PIK3C2G: variants seen among roughly 807,000 people sequenced by gnomAD.
PIK3C2G encodes the protein phosphatidylinositol-4-phosphate 3-kinase catalytic subunit type 2 gamma.
PIK3C2G carries 168 observed loss-of-function variants against 181.1 expected under a neutral mutation model. The observed-to-expected ratio is 0.93, with a 90% CI of 0.82 to 1.05. PIK3C2G has a LOEUF of 1.05. Ranked by LOEUF, PIK3C2G falls within the 50% of genes least tolerant of loss-of-function variation. The pLI, the probability that PIK3C2G is intolerant of heterozygous loss-of-function variation, is 0.00. For missense variants in PIK3C2G, 1,869 were observed against 1,732.8 expected, an observed-to-expected ratio of 1.08 and a Z score of -1.40; for synonymous variants, 573 against 592.2, an observed-to-expected ratio of 0.97 and a Z score of 0.47.
rs779918901 is a variant in PIK3C2G at position 18,563,354 on chromosome 12, TTCTA to T, written c.3781-17_3781-14del. ...CAGGCTGATATTGCCATCTTTTGAT[TTCTA>T]TCTATTTACTTTCTGCAGCTGTATC... On this transcript the variant is annotated intron_variant, in intron 27 of 32. Coordinates refer to ENST00000538779, the MANE Select transcript of PIK3C2G (RefSeq NM_001288772.2). 6.9e-6 allele frequency: 11 copies of T among 1,589,566 alleles called. No homozygotes were observed. The African/African-American group carries it at 9.4e-5, about 14-fold the overall frequency.
At chr12:18,511,884 A>G (rs906103939) in intron 24 of PIK3C2G, among the ~76,000 whole-genome samples, 9 of 151,938 alleles carry the variant, frequency 5.9e-5, no homozygotes, top group African/African-American at 2.2e-4. Context: ...TCCAAAAAAA[A>G]TTGCTGAGAC....
chr12:18,282,807 T>C, intron 2 of PIK3C2G, 48 bp downstream of exon 2: 7 of 1,221,856 alleles, frequency 5.7e-6, no homozygotes, highest in Non-Finnish European at 8.0e-6. Context: ...GAAAGAATCA[T>C]TCAATAATGT....
intron 31 of PIK3C2G, among the ~76,000 whole-genome samples, chr12:18,637,294 C>T (rs1949645742): frequency 6.6e-6 from 1 of 151,942 alleles, no homozygotes. Flanking sequence ...CTCCTTCATT[C>T]AAGGGTTTCT....
At chr12:18,714,319 A>C in the PIK3C2G span, among the ~76,000 whole-genome samples, 1 of 152,370 alleles carries the variant, frequency 6.6e-6, no homozygotes, top group South Asian at 2.1e-4. Flanking sequence ...AGACAGGGTC[A>C]GCAACACTAA....
At chr12:18,722,798 T>C in the PIK3C2G span, among the ~76,000 whole-genome samples, 1 of 152,050 alleles carries the variant, frequency 6.6e-6, no homozygotes, top group Admixed American at 6.6e-5. Flanking sequence ...AAAGTATATA[T>C]ATTTACGAAA....
chr12:18,678,726 T>G, the PIK3C2G span, among the ~76,000 whole-genome samples: 1 of 152,072 alleles, frequency 6.6e-6, no homozygotes, highest in Non-Finnish European at 1.5e-5. Context: ...ATAACATCAT[T>G]TGTTGTCTAT....
chr12:18,422,765 T>C lies in PIK3C2G; in HGVS notation c.2410-1180T>C, dbSNP rs140187324. On this transcript the variant is annotated intron_variant, in intron 17 of 32. Transcript: ENST00000538779. ...GGGCAGACATCTAAAAAGGCAAGCA[T>C]GTAGGTAATTCTGAAACATACCTCC... 1.4e-3 allele frequency among the ~76,000 whole-genome samples: 213 copies of C among 152,268 alleles called. 1 individual carries two copies. The highest frequency in any genetic ancestry group is 4.9e-3 in the African/African-American group (203 of 41,582).
At chr12:18,411,293 A>T (rs982562483) in intron 16 of PIK3C2G, among the ~76,000 whole-genome samples, 1 of 152,152 alleles carries the variant, frequency 6.6e-6, no homozygotes, top group Admixed American at 6.6e-5. Flanking sequence ...AGTGTTTTGG[A>T]TATCTGGATG....
intron 4 of PIK3C2G, 124 bp downstream of exon 4, chr12:18,291,136 T>G (rs1481410648): frequency 1.7e-6 from 1 of 588,662 alleles, no homozygotes; most frequent in East Asian, 2.9e-5. Flanking sequence ...TGAAGTGAAA[T>G]AAGAAGAAAA....
chr12:18,592,755 A>G lies in PIK3C2G; in HGVS notation c.4012-1739A>G, dbSNP rs558499741. On this transcript the variant is annotated intron_variant, in intron 29 of 32. Transcript: ENST00000538779. ...GTTTTTAAAATTGACAGAATTGACCATATTTTATGTTGATGAGGAAAAACG... is the reference window on the plus strand; with the variant it reads ...GTTTTTAAAATTGACAGAATTGACCGTATTTTATGTTGATGAGGAAAAACG... Among the ~76,000 whole-genome samples the G allele has an allele frequency of 3.9e-5, 6 of 152,098 alleles. No individual in the cohort carries two copies. The East Asian group carries it at 1.2e-3, about 29-fold the overall frequency.
chr12:18,523,740 C>T (rs531111689), intron 24 of PIK3C2G, among the ~76,000 whole-genome samples: 8 of 152,336 alleles, frequency 5.3e-5, no homozygotes, highest in African/African-American at 1.9e-4. Flanking sequence ...TGGATAATCA[C>T]TGATCTGCAG....
downstream of PIK3C2G, among the ~76,000 whole-genome samples, chr12:18,650,666 G>A (rs73056317): frequency 0.34 from 7,797 of 23,192 alleles, 556 homozygotes; most frequent in African/African-American, 0.43. Flanking sequence ...GAATATAAAT[G>A]TGTGTGTGTG....
At chr12:18,393,560 A>T (rs1411726541) in intron 15 of PIK3C2G, among the ~76,000 whole-genome samples, 1 of 152,148 alleles carries the variant, frequency 6.6e-6, no homozygotes, top group Non-Finnish European at 1.5e-5. Flanking sequence ...TGTCAACCAA[A>T]AAATGCTTCC....
chr12:18,412,816 T>C (rs769575696), intron 16 of PIK3C2G, among the ~76,000 whole-genome samples: 3 of 152,126 alleles, frequency 2.0e-5, no homozygotes, highest in Non-Finnish European at 4.4e-5. Context: ...ATCCTAACCA[T>C]TGGTCACTTA....
At chr12:18,265,813 A>G (rs942386437) in intron 1 of PIK3C2G, among the ~76,000 whole-genome samples, 7 of 152,042 alleles carry the variant, frequency 4.6e-5, no homozygotes, top group Non-Finnish European at 7.4e-5. Flanking sequence ...CAGGAGTTTG[A>G]GACCAGCCTG....
rs1048559033 is a variant in PIK3C2G, at chr12:18,454,543, G to T, written c.2504+30504G>T. Among the ~76,000 whole-genome samples the T allele has an allele frequency of 1.6e-4, 24 of 152,130 alleles. 1 individual carries two copies. The highest frequency in any genetic ancestry group is 2.5e-4 in the Non-Finnish European group (17 of 68,006). The stretch of plus-strand genomic sequence containing the variant: ...GAAAAAGATCATGCAGGGTCTTGTG[G>T]TTTTTGTAAGGTGGCTGAGTATCTG... On this transcript the variant is annotated intron_variant, in intron 18 of 32. Coordinates refer to ENST00000538779, the MANE Select transcript of PIK3C2G (RefSeq NM_001288772.2).
chr12:18,536,608 T>G (rs1438106000), intron 24 of PIK3C2G, among the ~76,000 whole-genome samples: 1 of 152,080 alleles, frequency 6.6e-6, no homozygotes, highest in Non-Finnish European at 1.5e-5. Flanking sequence ...TTTATGTACA[T>G]GTACATTTCC....
intron 30 of PIK3C2G, among the ~76,000 whole-genome samples, chr12:18,602,828 G>A (rs1947808149): frequency 6.6e-6 from 1 of 152,148 alleles, no homozygotes; most frequent in South Asian, 2.1e-4. Flanking sequence ...AAGGGGGAGA[G>A]TACTACATCA....
At chr12:18,359,153 G>A (rs1402382710) in intron 11 of PIK3C2G, among the ~76,000 whole-genome samples, 1 of 152,230 alleles carries the variant, frequency 6.6e-6, no homozygotes, top group Non-Finnish European at 1.5e-5. Flanking sequence ...CCAATTCTGA[G>A]ATGTTTTGTA....
Sources: gnomAD v4.1 joint callset for allele counts (sites outside exome capture counted in the v4.1 genomes callset) on GRCh38, gnomAD v4.1.1 for gene constraint, MANE v1.5 for transcripts, NCBI Gene and HGNC (gene_info 2026-07-23, HGNC 2026-07-21) for gene names.